Variants in RAI1 observed in about 807,000 individuals in gnomAD.
The protein encoded by RAI1 is retinoic acid induced 1.
RAI1 carries 9 observed loss-of-function variants against 123.8 expected under a neutral mutation model. The ratio of observed to expected loss-of-function variants is 0.07; its 90% CI spans 0.04 to 0.13. The LOEUF is 0.13. RAI1 is among the 10% of genes least tolerant of loss of function. The pLI is 1.00. For synonymous variants in RAI1, 1,231 were observed against 1,127.3 expected (o/e 1.09, Z -1.84); for missense variants, 2,256 against 2,545.8 (o/e 0.89, Z 2.45).
chr17:17,786,722 C>T (rs917044565), intron 2 of RAI1, among the ~76,000 whole-genome samples: 2 of 152,250 alleles, frequency 1.3e-5, no homozygotes, highest in African/African-American at 4.8e-5. Flanking sequence ...AAGTCATGGA[C>T]CCTCTGGGCA....
intron 2 of RAI1, among the ~76,000 whole-genome samples, chr17:17,754,265 C>A (rs901316576): frequency 7.6e-6 from 1 of 130,938 alleles, no homozygotes; most frequent in Non-Finnish European, 1.5e-5. Flanking sequence ...AGTGCAATGG[C>A]GCGATCTCGG....
At position 17,731,389 on chromosome 17, in the gene RAI1, C is replaced by T. The variant is rs184426815; in HGVS notation, c.-17+7230C>T. ...TTTGCTGCAGAAGGAAGGGTGTTGG[C>T]TGCAGGACACAGCATGCCAGAGGCC... is the stretch of plus-strand genomic sequence containing the variant. On this transcript the variant is annotated intron_variant, in intron 2 of 5. Coordinates refer to ENST00000353383, the MANE Select transcript of RAI1 (RefSeq NM_030665.4). Among the ~76,000 whole-genome samples, 5 of 152,346 alleles carry T rather than the reference C, an allele frequency of 3.3e-5. No homozygotes were observed. The East Asian group carries it at 9.6e-4, about 29-fold the overall frequency.
At chr17:17,696,898 C>T (rs981201799) in intron 1 of RAI1, among the ~76,000 whole-genome samples, 5 of 152,214 alleles carry the variant, frequency 3.3e-5, no homozygotes, top group Non-Finnish European at 1.5e-5. Flanking sequence ...GGCCCCTTGT[C>T]GATCCTGTGA....
intron 2 of RAI1, among the ~76,000 whole-genome samples, chr17:17,748,377 A>G (rs2030009544): frequency 6.6e-6 from 1 of 152,202 alleles, no homozygotes; most frequent in Non-Finnish European, 1.5e-5. Context: ...ATTAGGGAAG[A>G]CTTCCTGAAG....
intron 1 of RAI1, among the ~76,000 whole-genome samples, chr17:17,693,747 T>G (rs1338462585): frequency 6.6e-6 from 1 of 152,092 alleles, no homozygotes; most frequent in Non-Finnish European, 1.5e-5. Flanking sequence ...GGCTGCAGAT[T>G]GGCGGCTCAG....
chr17:17,788,451 A>T (rs544825575), intron 2 of RAI1, among the ~76,000 whole-genome samples: 1 of 152,248 alleles, frequency 6.6e-6, no homozygotes, highest in South Asian at 2.1e-4. Context: ...TGTATTGATT[A>T]TTCATCACCC....
At chr17:17,686,598 T>TGTGTGTGTGTGTGC (rs1295998657) in intron 1 of RAI1, among the ~76,000 whole-genome samples, 1 of 146,970 alleles carries the variant, frequency 6.8e-6, no homozygotes, top group Non-Finnish European at 1.5e-5. Flanking sequence ...TGTGTGTGTG[T>TGTGTGTGTGTGTGC]GTGTGTGTGT....
chr17:17,756,733 T>C (rs2030452708), intron 2 of RAI1, among the ~76,000 whole-genome samples: 1 of 152,142 alleles, frequency 6.6e-6, no homozygotes, highest in Non-Finnish European at 1.5e-5. Flanking sequence ...AAAATCCTCT[T>C]AGTGAAGCAG....
intron 1 of RAI1, among the ~76,000 whole-genome samples, chr17:17,700,441 C>T (rs1915181209): frequency 6.6e-6 from 1 of 151,810 alleles, no homozygotes; most frequent in Non-Finnish European, 1.5e-5. Context: ...CGCGCGCAGC[C>T]CCTGCGGGGG....
intron 1 of RAI1, among the ~76,000 whole-genome samples, chr17:17,723,739 G>A (rs1598035688): frequency 6.8e-6 from 1 of 146,062 alleles, no homozygotes; most frequent in African/African-American, 2.5e-5. Flanking sequence ...CGCGGGCTGC[G>A]CGCAGCCAAG....
rs145725619 is a variant in RAI1, at chr17:17,761,314, A to T, written c.-16-31619A>T. 6.8e-3 allele frequency among the ~76,000 whole-genome samples: 1,016 copies of T among 150,290 alleles called. 8 individuals are homozygous for T. Among genetic ancestry groups the T allele is most frequent in the African/African-American group, 0.023 (942 of 40,712 alleles). Reference sequence around the variant, plus strand: ...GTGGCAGATTCCTCACTGGTCTCTTAGGTTCCTGGCACACATGCAGCCACC... The same window carrying T: ...GTGGCAGATTCCTCACTGGTCTCTTTGGTTCCTGGCACACATGCAGCCACC... On this transcript the variant is annotated intron_variant, in intron 2 of 5. Coordinates refer to ENST00000353383, the MANE Select transcript of RAI1 (RefSeq NM_030665.4).
Position 17,809,828 on chromosome 17 carries a change from C to T in RAI1, c.5710-142C>T. The T allele has an allele frequency of 8.7e-7, 1 of 1,154,060 alleles. No homozygotes were observed. Among genetic ancestry groups the T allele is most frequent in the Non-Finnish European group, 1.2e-6 (1 of 804,930 alleles). The allele number at this position is 1,154,060 out of a possible 1,614,324, so 71.5% of individuals were successfully genotyped here. A position where few individuals can be genotyped will look rare whatever the true frequency, so the allele number is the denominator to read the frequency against. On this transcript the variant is annotated intron_variant, in intron 5 of 5. Transcript: ENST00000353383. This position sits in a 1 kb window ranked among gnomAD's most constrained non-coding sequence, Gnocchi z 4.9. ...GGGGTGGGGCCAGAAGGGGTGGTGC[C>T]GACGGCCTCGGGCGGAGACCCCAGC...
chr17:17,709,716 G>A (rs1001428053), intron 1 of RAI1, among the ~76,000 whole-genome samples: 29 of 152,348 alleles, frequency 1.9e-4, no homozygotes, highest in African/African-American at 6.5e-4. Flanking sequence ...CCAAAGTGAT[G>A]TAGCAGGGCC....
At position 17,681,897 on chromosome 17, in the gene RAI1, G is replaced by C. The variant is rs964270155; in HGVS notation, c.-149+104G>C. 5.3e-5 allele frequency: 12 copies of C among 224,722 alleles called. No individual in the cohort carries two copies. In the East Asian group the frequency reaches 9.9e-4, roughly 19 times the overall value. The allele number at this position is 224,722 out of a possible 1,614,324, so 13.9% of individuals were successfully genotyped here. ...TAGGCCGGGTGATGAGCCGAGGCGGGTTCGGACGCCGAGCGCGCGCGCTGG... is the reference window on the plus strand; with the variant it reads ...TAGGCCGGGTGATGAGCCGAGGCGGCTTCGGACGCCGAGCGCGCGCGCTGG... On this transcript the variant is annotated intron_variant, in intron 1 of 5. Coordinates refer to ENST00000353383, the MANE Select transcript of RAI1 (RefSeq NM_030665.4).
rs1419971991 is a variant in RAI1 at position 17,685,383 on chromosome 17, C to T, written c.-149+3590C>T. On this transcript the variant is annotated intron_variant, in intron 1 of 5. Transcript: ENST00000353383. The surrounding 1 kb of genome is among the most constrained non-coding windows in gnomAD (Gnocchi z 4.0). Reference sequence around the variant, plus strand: ...CCCAGTGGGTGATTGGGACCCAGCTCATAGCCAAGGCCTCGACCAGAGCTG... The same window carrying T: ...CCCAGTGGGTGATTGGGACCCAGCTTATAGCCAAGGCCTCGACCAGAGCTG... 6.6e-6 allele frequency among the ~76,000 whole-genome samples: 1 copy of T among 152,250 alleles called. No homozygotes were observed. Among genetic ancestry groups the T allele is most frequent in the African/African-American group, 2.4e-5 (1 of 41,472 alleles).
intron 1 of RAI1, chr17:17,684,676 A>G: frequency 3.1e-5 from 1 of 31,876 alleles, no homozygotes; most frequent in South Asian, 7.6e-4. Flanking sequence ...TAATGCATAT[A>G]TATATATATA....
In RAI1 at chr17:17,800,154, C is replaced by G. The variant is rs940109574; in HGVS notation, c.5565+1641C>G. ...CCCTTCCCAGTTAGTGATTTTTTGC[C>G]TCTCTCCTGCTTTCTGTCTCTCTCT... On this transcript the variant is annotated intron_variant, in intron 3 of 5. Coordinates refer to ENST00000353383, the MANE Select transcript of RAI1 (RefSeq NM_030665.4). The surrounding 1 kb of genome is among the most constrained non-coding windows in gnomAD (Gnocchi z 4.7). Among the ~76,000 whole-genome samples the G allele has an allele frequency of 2.6e-5, 4 of 150,980 alleles. No homozygotes were observed. Among genetic ancestry groups the G allele is most frequent in the African/African-American group, 9.7e-5 (4 of 41,040 alleles).
chr17:17,707,217 G>A (rs1010576919), intron 1 of RAI1, among the ~76,000 whole-genome samples: 1 of 152,208 alleles, frequency 6.6e-6, no homozygotes, highest in African/African-American at 2.4e-5. Context: ...GGCTGAGGTG[G>A]GAAGATCGCT....
intron 1 of RAI1, among the ~76,000 whole-genome samples, chr17:17,691,792 C>T (rs1474753894): frequency 2.0e-5 from 3 of 152,172 alleles, no homozygotes; most frequent in Non-Finnish European, 4.4e-5. Context: ...TCCAGCAGGG[C>T]CAGGTGGGCA....
Sources: gnomAD v4.1 joint callset for allele counts (sites outside exome capture counted in the v4.1 genomes callset) on GRCh38, gnomAD v4.1.1 for gene constraint, Gnocchi (gnomAD v3.1) non-coding constraint, MANE v1.5 for transcripts, NCBI Gene and HGNC (gene_info 2026-07-23, HGNC 2026-07-21) for gene names.